NOVA2: variants seen among roughly 807,000 people sequenced by gnomAD.
NOVA2 encodes the protein RNA-binding protein Nova-2.
A neutral mutation model predicts 22.5 loss-of-function variants in NOVA2; 9 were observed. The observed-to-expected ratio is 0.40, with a 90% confidence interval of 0.24 to 0.70. The LOEUF (loss-of-function observed/expected upper bound fraction) is 0.70. NOVA2 is among the 30% of genes least tolerant of loss of function. NOVA2 has a pLI of 0.38. For missense variants in NOVA2, 383 were observed against 682.8 expected (o/e 0.56, Z 4.89); for synonymous variants, 318 against 335.2 (o/e 0.95, Z 0.56).
At chr19:45,952,547 C>A (rs1316509797) in intron 3 of NOVA2, among the ~76,000 whole-genome samples, 1 of 152,216 alleles carries the variant, frequency 6.6e-6, no homozygotes, top group African/African-American at 2.4e-5. Flanking sequence ...AAGGCTCAGG[C>A]ACAGATGGTG....
chr19:45,951,618 CAA>C (rs56350605), intron 3 of NOVA2, among the ~76,000 whole-genome samples: 112 of 131,396 alleles, frequency 8.5e-4, no homozygotes, highest in Non-Finnish European at 9.3e-4. Context: ...AACTCCGTTT[CAA>C]AAAAAAAAAA....
intron 3 of NOVA2, among the ~76,000 whole-genome samples, chr19:45,953,442 G>T (rs545169182): frequency 1.6e-4 from 24 of 152,292 alleles, no homozygotes; most frequent in African/African-American, 2.4e-5. Flanking sequence ...GGAAGTGGGA[G>T]GCAGGTCGTT....
intron 3 of NOVA2, among the ~76,000 whole-genome samples, chr19:45,941,446 A>C (rs1198766406): frequency 6.6e-6 from 1 of 151,860 alleles, no homozygotes; most frequent in Non-Finnish European, 1.5e-5. Flanking sequence ...GGAATTACAG[A>C]TTTGAGCCAC....
At chr19:45,963,731 C>T (rs1033295655) in intron 1 of NOVA2, among the ~76,000 whole-genome samples, 2 of 152,084 alleles carry the variant, frequency 1.3e-5, no homozygotes, top group Non-Finnish European at 2.9e-5. Context: ...GGGGTTTCAC[C>T]ATTTTGGCCA....
At chr19:45,970,895 T>A (rs1968224441) in intron 1 of NOVA2, among the ~76,000 whole-genome samples, 1 of 152,108 alleles carries the variant, frequency 6.6e-6, no homozygotes, top group Non-Finnish European at 1.5e-5. Flanking sequence ...AGTTTCCCCA[T>A]GAGTAAACAG....
At chr19:45,968,301 G>A (rs1600621342) in intron 1 of NOVA2, among the ~76,000 whole-genome samples, 1 of 152,174 alleles carries the variant, frequency 6.6e-6, no homozygotes, top group South Asian at 2.1e-4. Flanking sequence ...GGAGCCTGTG[G>A]GGATGCTGCT....
intron 3 of NOVA2, among the ~76,000 whole-genome samples, chr19:45,942,096 G>A (rs1332622194): frequency 2.0e-5 from 3 of 152,142 alleles, no homozygotes; most frequent in African/African-American, 7.2e-5. Flanking sequence ...CTAGGCTCTT[G>A]GGTTCCTGAT....
At position 45,939,713 on chromosome 19, in the gene NOVA2, C is replaced by T; in HGVS notation, c.*150G>A. Reference sequence around the variant, plus strand: ...GTCACTCAATCCTGCCTATGACTACCAGAAGGGGAGGGTGCAGTCGGGCCT... The same window carrying T: ...GTCACTCAATCCTGCCTATGACTACTAGAAGGGGAGGGTGCAGTCGGGCCT... On this transcript the variant is annotated 3_prime_UTR_variant, in exon 4 of 4. Transcript: ENST00000263257. The T allele has an allele frequency of 1.0e-6, 1 of 974,588 alleles. No individual in the cohort carries two copies. 60.4% of individuals were successfully genotyped at this position (974,588 alleles called of 1,614,324 possible). A position where few individuals can be genotyped will look rare whatever the true frequency, so the allele number is the denominator to read the frequency against.
chr19:45,945,322 A>G (rs61124348), intron 3 of NOVA2, among the ~76,000 whole-genome samples: 10,194 of 152,214 alleles, frequency 0.067, 872 homozygotes, highest in African/African-American at 0.18. Flanking sequence ...AAGAAAGAAA[A>G]AAAAAAGGAT....
chr19:45,970,706 C>T (rs1038362544), intron 1 of NOVA2, among the ~76,000 whole-genome samples: 1 of 152,032 alleles, frequency 6.6e-6, no homozygotes, highest in Admixed American at 6.6e-5. Context: ...GCCCACTTGG[C>T]AGATGAGGAC....
At chr19:45,958,448 CAA>C (rs1196189810) in intron 2 of NOVA2, among the ~76,000 whole-genome samples, 1 of 146,540 alleles carries the variant, frequency 6.8e-6, no homozygotes, top group Non-Finnish European at 1.5e-5. Context: ...GCACGTGTGA[CAA>C]TGTGTGTGTA....
At chr19:45,941,672 G>A (rs1967760292) in intron 3 of NOVA2, among the ~76,000 whole-genome samples, 1 of 152,132 alleles carries the variant, frequency 6.6e-6, no homozygotes, top group Non-Finnish European at 1.5e-5. Context: ...TGAGGTGGGA[G>A]GATAACTTGA....
At chr19:45,942,111 T>G (rs1400169199) in intron 3 of NOVA2, among the ~76,000 whole-genome samples, 2 of 152,226 alleles carry the variant, frequency 1.3e-5, no homozygotes, top group Admixed American at 6.5e-5. Flanking sequence ...CCTGATCCAT[T>G]GTGCTCCCCT....
chr19:45,944,036 A>G (rs952520591), intron 3 of NOVA2, among the ~76,000 whole-genome samples: 31 of 152,140 alleles, frequency 2.0e-4, no homozygotes, highest in Middle Eastern at 3.2e-3. Context: ...CCAGTATTAT[A>G]CTCTGGATCA....
Position 45,940,625 on chromosome 19 carries a change from T to C in NOVA2, c.717A>G (p.Pro239=). 1 of 1,470,686 alleles carries C rather than the reference T, an allele frequency of 6.8e-7. No individual in the cohort carries two copies. The highest frequency in any genetic ancestry group is 8.9e-7 in the Non-Finnish European group (1 of 1,123,424). The allele number at this position is 1,470,686 out of a possible 1,614,324, so 91.1% of individuals were successfully genotyped here. Residue 239 remains proline, a synonymous_variant, in exon 4 of 4, where the codon CCA becomes CCG. Coordinates refer to ENST00000263257, the MANE Select transcript of NOVA2 (RefSeq NM_002516.4). The part of the protein sequence containing the change: ...SPYASPADVL[P]AAAAASAAAA... ...CGGCGGCCGACGCTGCGGCCGCGGC[T>C]GGCAGCACATCCGCGGGGCTGGCGT...
intron 3 of NOVA2, among the ~76,000 whole-genome samples, chr19:45,941,368 G>T (rs984775279): frequency 6.6e-6 from 1 of 151,480 alleles, no homozygotes; most frequent in Non-Finnish European, 1.5e-5. Context: ...GGGGCCTTGC[G>T]ATGTTGCCCA....
chr19:45,938,333 C>T lies in NOVA2; in HGVS notation c.*1530G>A, dbSNP rs1209765034. On this transcript the variant is annotated 3_prime_UTR_variant, in exon 4 of 4. Transcript: ENST00000263257. ...CTAGTTCTCCAGAGCCCCTGGTGAG[C>T]ACACCAAAACATTCTGATCCATCAG... 6.6e-6 allele frequency: 1 copy of T among 152,306 alleles called. No individual in the cohort carries two copies. Among genetic ancestry groups the T allele is most frequent in the African/African-American group, 2.4e-5 (1 of 41,440 alleles). The allele number at this position is 152,306 out of a possible 1,614,324, so 9.4% of individuals were successfully genotyped here.
chr19:45,948,468 C>T (rs949859563), intron 3 of NOVA2, among the ~76,000 whole-genome samples: 5 of 151,526 alleles, frequency 3.3e-5, no homozygotes, highest in Admixed American at 2.0e-4. Flanking sequence ...GGTGTGGTGG[C>T]GGGTGCCTGT....
chr19:45,971,540 C>A (rs1159735756), intron 1 of NOVA2, among the ~76,000 whole-genome samples: 3 of 152,118 alleles, frequency 2.0e-5, no homozygotes, highest in African/African-American at 7.2e-5. Flanking sequence ...TCACAGGCAT[C>A]CAGGGGGTCC....
Sources: gnomAD v4.1 joint callset for allele counts (sites outside exome capture counted in the v4.1 genomes callset) on GRCh38, gnomAD v4.1.1 for gene constraint, MANE v1.5 for transcripts, NCBI Gene and HGNC (gene_info 2026-07-23, HGNC 2026-07-21) for gene names.